KANTR: variants seen among roughly 807,000 people sequenced by gnomAD.
KANTR encodes KDM5C adjacent transcript.
intron 2 of KANTR, among the ~76,000 whole-genome samples, chrX:53,115,324 C>T (rs1339351436): frequency 9.0e-6 from 1 of 111,430 alleles, no homozygotes; most frequent in African/African-American, 3.3e-5. Flanking sequence ...TCTGCAGGTG[C>T]TGGCCTAATG....
At position 53,098,439 on chromosome X, in the gene KANTR, TAA is replaced by T. The variant is rs1271563690; in HGVS notation, c.-941-1030_-941-1029del. Among the ~76,000 whole-genome samples, 14 of 111,626 alleles carry T rather than the reference TAA, an allele frequency of 1.3e-4. No homozygotes were observed. The East Asian group carries it at 3.7e-3, about 29-fold the overall frequency. On this transcript the variant is annotated intron_variant, in intron 1 of 2. Coordinates refer to ENST00000604062, the Ensembl canonical transcript of KANTR. ...GGTTGGGGTGGCTGTGGCAAATTCT[TAA>T]AATAAGATATCAATGAAGTTTGGCA...
At chrX:53,096,380 A>G (rs1225281603) in intron 1 of KANTR, among the ~76,000 whole-genome samples, 4 of 112,556 alleles carry the variant, frequency 3.6e-5, no homozygotes, top group East Asian at 5.5e-4. Context: ...TTTTTCACCT[A>G]CATTACTGGT....
At chrX:53,096,990 C>G (rs1932849400) in intron 1 of KANTR, among the ~76,000 whole-genome samples, 2 of 110,306 alleles carry the variant, frequency 1.8e-5, no homozygotes, top group Non-Finnish European at 3.8e-5. Flanking sequence ...TTAGCCAGGC[C>G]CACATGGTGG....
chrX:53,094,306 G>A (rs1434482541), intron 1 of KANTR, 22 bp downstream of exon 1: 2 of 111,761 alleles, frequency 1.8e-5, no homozygotes, highest in Non-Finnish European at 3.8e-5. Flanking sequence ...TAAAGACGGG[G>A]CGGTGGGGGG....
At position 53,094,863 on chromosome X, in the gene KANTR, GTC is replaced by G. The variant is rs1490547398; in HGVS notation, c.-942+585_-942+586del. 4.5e-5 allele frequency: 5 copies of G among 111,935 alleles called. No homozygotes were observed. In the East Asian group the frequency reaches 1.4e-3, roughly 31 times the overall value. 9.2% of individuals were successfully genotyped at this position (111,935 alleles called of 1,213,427 possible). A position where few individuals can be genotyped will look rare whatever the true frequency, so the allele number is the denominator to read the frequency against. On this transcript the variant is annotated intron_variant, in intron 1 of 2. Coordinates refer to ENST00000604062, the Ensembl canonical transcript of KANTR. ...GACTATCTTGACTGAAAAGAATATT[GTC>G]TCTCTTGGTTTCTGTCTTTTCTCTG...
At chrX:53,095,511 T>C (rs1367012347) in intron 1 of KANTR, among the ~76,000 whole-genome samples, 1 of 110,270 alleles carries the variant, frequency 9.1e-6, no homozygotes, top group African/African-American at 3.3e-5. Context: ...GGATAGAAAA[T>C]AGAATCTGTC....
At chrX:53,107,051 C>T (rs1322189971) in intron 2 of KANTR, among the ~76,000 whole-genome samples, 3 of 110,850 alleles carry the variant, frequency 2.7e-5, no homozygotes, top group African/African-American at 1.0e-4. Flanking sequence ...TGCTAGACCA[C>T]ACTGTCTTAA....
At position 53,110,879 on chromosome X, in the gene KANTR, C is replaced by T. The variant is rs781820916; in HGVS notation, c.-805+11271C>T. On this transcript the variant is annotated intron_variant, in intron 2 of 2. Transcript: ENST00000604062. ...CGGAGATTGCAATGAGCCGAGATTG[C>T]GCCACTGCACTCCAGCCTGAGTGAC... Among the ~76,000 whole-genome samples the T allele has an allele frequency of 1.5e-4, 16 of 107,721 alleles. No individual in the cohort carries two copies. The South Asian group carries it at 2.9e-3, about 20-fold the overall frequency. 93.5% of individuals were successfully genotyped at this position (107,721 alleles called of 115,157 possible). A position where few individuals can be genotyped will look rare whatever the true frequency, so the allele number is the denominator to read the frequency against.
chrX:53,140,064 C>T (rs782188296), intron 2 of KANTR, among the ~76,000 whole-genome samples: 1 of 112,362 alleles, frequency 8.9e-6, no homozygotes, highest in African/African-American at 3.2e-5. Flanking sequence ...TTTATCAGCC[C>T]GACAAATTTA....
chrX:53,145,887 AG>A (rs1933569812), downstream of KANTR, among the ~76,000 whole-genome samples: 1 of 112,250 alleles, frequency 8.9e-6, no homozygotes, highest in Admixed American at 9.4e-5. Flanking sequence ...CCAGGCAAAC[AG>A]GGTCTGGAGT....
chrX:53,146,992 G>A (rs1210402141), downstream of KANTR, among the ~76,000 whole-genome samples: 26 of 111,928 alleles, frequency 2.3e-4, no homozygotes, highest in African/African-American at 8.1e-4. Context: ...AGGAACAACT[G>A]GTACCAGCCA....
exon 3 of KANTR, chrX:53,126,675 G>C (rs1933295355): frequency 8.9e-6 from 1 of 111,890 alleles, no homozygotes; most frequent in Non-Finnish European, 1.9e-5. Flanking sequence ...CTGTTTGCAT[G>C]AGTATGACAT....
intron 2 of KANTR, among the ~76,000 whole-genome samples, chrX:53,123,145 C>T (rs782525871): frequency 9.3e-6 from 1 of 107,785 alleles, no homozygotes; most frequent in East Asian, 2.8e-4. Flanking sequence ...AAGCTTTATG[C>T]TTGAAATGGC....
exon 3 of KANTR, chrX:53,124,792 G>A (rs1489881854): frequency 6.3e-6 from 1 of 159,795 alleles, no homozygotes; most frequent in African/African-American, 3.0e-5. Context: ...TGGTTTGTGT[G>A]ACAACAACTC....
At chrX:53,120,640 A>G (rs1213202089) in intron 2 of KANTR, among the ~76,000 whole-genome samples, 1 of 111,665 alleles carries the variant, frequency 9.0e-6, no homozygotes. Flanking sequence ...TTTTGCAGGT[A>G]TATAGAAATG....
chrX:53,140,235 G>A (rs1227742896), intron 2 of KANTR, among the ~76,000 whole-genome samples: 8 of 111,896 alleles, frequency 7.1e-5, no homozygotes, highest in African/African-American at 2.6e-4. Flanking sequence ...GGTGGCTCAC[G>A]CCTGCAATCC....
At chrX:53,138,717 AAAG>A (rs1410233388) in intron 2 of KANTR, among the ~76,000 whole-genome samples, 16 of 109,626 alleles carry the variant, frequency 1.5e-4, no homozygotes, top group Middle Eastern at 4.7e-3. Context: ...AAAAAAAAAA[AAAG>A]AAATATAAAC....
intron 1 of KANTR, among the ~76,000 whole-genome samples, chrX:53,098,591 T>C (rs1932864636): frequency 8.9e-6 from 1 of 112,326 alleles, no homozygotes; most frequent in Admixed American, 9.4e-5. Context: ...ACTACTTTGT[T>C]AACTAAGTTT....
downstream of KANTR, chrX:53,143,896 G>A (rs782227831): frequency 1.7e-5 from 7 of 410,037 alleles, no homozygotes; most frequent in African/African-American, 9.9e-5. Context: ...TGATGAGCGC[G>A]GCGATCTCTA....
Sources: allele counts gnomAD v4.1 joint callset (sites outside exome capture counted in the v4.1 genomes callset), GRCh38; gene constraint gnomAD v4.1.1; transcripts MANE v1.5; gene names NCBI Gene and HGNC (gene_info 2026-07-23, HGNC 2026-07-21).